CHD9: variants seen among roughly 807,000 people sequenced by gnomAD.
CHD9 encodes the protein ATP-dependent chromatin remodeler CHD9.
Under a neutral mutation model 316.1 loss-of-function variants are expected in CHD9, and 77 were observed. The ratio of observed to expected loss-of-function variants is 0.24; its 90% confidence interval spans 0.20 to 0.29. The LOEUF is 0.29. Among genes scored for constraint, CHD9 ranks in the 10% least tolerant of loss-of-function variants. The probability of loss-of-function intolerance (pLI) is 1.00; values close to 1 mark genes in which losing one functional copy is unlikely to be tolerated. For synonymous variants in CHD9, 1,129 were observed against 1,158.3 expected (o/e 0.97, Z 0.51); for missense variants, 2,763 against 3,438.1 (o/e 0.80, Z 4.91).
intron 1 of CHD9, among the ~76,000 whole-genome samples, chr16:53,125,299 C>G (rs2038925449): frequency 6.9e-6 from 1 of 145,482 alleles, no homozygotes; most frequent in African/African-American, 2.5e-5. Context: ...TCTCAGCTCA[C>G]TGCAACCTCC....
At chr16:53,185,093 A>T (rs572895936) in intron 2 of CHD9, among the ~76,000 whole-genome samples, 2 of 152,272 alleles carry the variant, frequency 1.3e-5, no homozygotes, top group South Asian at 2.1e-4. Context: ...TACCAAAGAG[A>T]GTGGGGCACT....
intron 2 of CHD9, among the ~76,000 whole-genome samples, chr16:53,171,849 C>G (rs1385376054): frequency 5.2e-5 from 4 of 77,142 alleles, no homozygotes; most frequent in African/African-American, 2.0e-4. Flanking sequence ...CACACACACA[C>G]ACACACACAC....
intron 3 of CHD9, among the ~76,000 whole-genome samples, chr16:53,212,927 A>C (rs980533466): frequency 7.9e-5 from 12 of 152,350 alleles, no homozygotes; most frequent in African/African-American, 2.6e-4. Flanking sequence ...AGTGTTCAGT[A>C]AATGTTAGTC....
chr16:53,060,572 A>G (rs1159618474), intron 1 of CHD9, among the ~76,000 whole-genome samples: 1 of 152,202 alleles, frequency 6.6e-6, no homozygotes, highest in Non-Finnish European at 1.5e-5. Context: ...AGCCTGGGCA[A>G]CATAGCAAGA....
rs755219123 is a variant in CHD9, at chr16:53,324,713, A to G, written c.8512A>G (p.Lys2838Glu). The change falls in exon 39 of 39, where the codon AAG (lysine) becomes GAG (glutamate). Residue 2838 changes from lysine to glutamate, a missense_variant. Coordinates refer to ENST00000447540, the MANE Select transcript of CHD9 (RefSeq NM_001308319.2). ...CAAAAACAGTGACTTAGGCTCGTCTAAGTCTGTAGAAGTAAAAGAAGAAGA... is the reference window on the plus strand; with the variant it reads ...CAAAAACAGTGACTTAGGCTCGTCTGAGTCTGTAGAAGTAAAAGAAGAAGA... The part of the protein sequence containing the change: ...QNKNSDLGSS[K>E]SVEVKEEDSR... 8 of 1,613,340 alleles carry G rather than the reference A, an allele frequency of 5.0e-6. No individual in the cohort carries two copies. In the South Asian group the frequency reaches 5.5e-5, roughly 11 times the overall value.
chr16:53,245,529 AATT>A lies in CHD9; in HGVS notation c.3198+54_3198+56del. ...CATTCATCGCATTTCTAATCATTGT[AATT>A]ATTTTGTATGTGTAATTAAATGCTC... On this transcript the variant is annotated intron_variant, in intron 14 of 38. Transcript: ENST00000447540. The surrounding 1 kb of genome is among the most constrained non-coding windows in gnomAD (Gnocchi z 4.1). 6.5e-7 allele frequency: 1 copy of A among 1,539,678 alleles called. No homozygotes were observed. Among genetic ancestry groups the A allele is most frequent in the Non-Finnish European group, 8.7e-7 (1 of 1,146,820 alleles).
At chr16:53,233,111 A>G (rs537300597) in intron 10 of CHD9, among the ~76,000 whole-genome samples, 48 of 152,262 alleles carry the variant, frequency 3.2e-4, no homozygotes, top group Non-Finnish European at 6.3e-4. Context: ...ATATAGCATC[A>G]GATCCCACAT....
In CHD9 at chr16:53,273,531, A is replaced by G. The variant is rs966369398; in HGVS notation, c.4718-95A>G. The stretch of plus-strand genomic sequence containing the variant: ...TTTTAAAGATCTCTGAACAGACCTC[A>G]GAAAGTCTCCAGAAATTTCTTGCAT... On this transcript the variant is annotated intron_variant, in intron 22 of 38. Transcript: ENST00000447540. The G allele has an allele frequency of 2.8e-4, 252 of 890,646 alleles. 4 individuals are homozygous for G. In the South Asian group the frequency reaches 4.5e-3, roughly 16 times the overall value. 55.2% of individuals were successfully genotyped at this position (890,646 alleles called of 1,614,324 possible).
intron 2 of CHD9, among the ~76,000 whole-genome samples, chr16:53,158,642 T>A (rs891439303): frequency 2.6e-5 from 4 of 152,294 alleles, no homozygotes; most frequent in Non-Finnish European, 4.4e-5. Context: ...TGTTTTTTTT[T>A]AATTTTTCTT....
At chr16:53,315,465 G>A (rs2056808245) in intron 36 of CHD9, among the ~76,000 whole-genome samples, 1 of 152,026 alleles carries the variant, frequency 6.6e-6, no homozygotes, top group South Asian at 2.1e-4. Context: ...ACTTTATTAC[G>A]TGGCATTGTT....
chr16:53,168,175 T>G (rs2042408665), intron 2 of CHD9, among the ~76,000 whole-genome samples: 1 of 151,912 alleles, frequency 6.6e-6, no homozygotes, highest in Non-Finnish European at 1.5e-5. Context: ...AATTCTCCTG[T>G]CTCAGCCTCC....
At chr16:53,090,839 A>G (rs1244305211) in intron 1 of CHD9, among the ~76,000 whole-genome samples, 1 of 151,952 alleles carries the variant, frequency 6.6e-6, no homozygotes, top group Non-Finnish European at 1.5e-5. Flanking sequence ...CCCAACCCCC[A>G]TGCCCTGTCC....
chr16:53,303,892 A>T lies in CHD9; in HGVS notation c.5886A>T (p.Glu1962Asp), dbSNP rs542469297. Residue 1962 changes from glutamate (E) to aspartate (D), a missense_variant, in exon 31 of 39, where the codon GAA (glutamate) becomes GAT (aspartate). Glu to Asp is a conservative substitution (Grantham distance 45, BLOSUM62 2). This residue lies in a region of CHD9 where 663 missense variants were observed against 751.2 expected (regional missense o/e 0.88). Coordinates refer to ENST00000447540, the MANE Select transcript of CHD9 (RefSeq NM_001308319.2). Reference sequence around the variant, plus strand: ...ATCCAGATTTACCAGTCTGGTGGGAATGTGGCCCTCATGATAGGGATTTGC... The same window carrying T: ...ATCCAGATTTACCAGTCTGGTGGGATTGTGGCCCTCATGATAGGGATTTGC... ...HPNPDLPVWW[E>D]CGPHDRDLLI... 4.3e-6 allele frequency: 7 copies of T among 1,614,018 alleles called. No homozygotes were observed. In the East Asian group the frequency reaches 1.3e-4, roughly 31 times the overall value.
chr16:53,113,225 T>C (rs556136009), intron 1 of CHD9, among the ~76,000 whole-genome samples: 1 of 152,170 alleles, frequency 6.6e-6, no homozygotes, highest in South Asian at 2.1e-4. Context: ...GCAGGCAGCA[T>C]AGATGTTATG....
At position 53,297,142 on chromosome 16, in the gene CHD9, T is replaced by A. The variant is rs1456916788; in HGVS notation, c.5697T>A (p.Arg1899=). 1 of 1,612,858 alleles carries A rather than the reference T, an allele frequency of 6.2e-7. No individual in the cohort carries two copies. The highest frequency in any genetic ancestry group is 8.5e-7 in the Non-Finnish European group (1 of 1,179,224). ...AFMSMCRRVC[R]LPSKEELVDP... ...TGTCCATGTGTCGGAGGGTTTGTCGTCTTCCTTCCAAAGAAGGTATGTATA... is the reference window on the plus strand; with the variant it reads ...TGTCCATGTGTCGGAGGGTTTGTCGACTTCCTTCCAAAGAAGGTATGTATA... Residue 1899 remains arginine, a synonymous_variant, in exon 30 of 39, where the codon CGT becomes CGA. Transcript: ENST00000447540.
chr16:53,238,657 T>C, intron 12 of CHD9, 71 bp downstream of exon 12: 3 of 1,456,868 alleles, frequency 2.1e-6, no homozygotes, highest in Non-Finnish European at 2.8e-6. Context: ...ACCTACCAAT[T>C]ATTTTCAAAT....
chr16:53,093,759 C>T (rs1437155782), intron 1 of CHD9, among the ~76,000 whole-genome samples: 7 of 152,142 alleles, frequency 4.6e-5, no homozygotes, highest in Non-Finnish European at 1.0e-4. Context: ...AGAAAGTGGC[C>T]AGGTACAACT....
chr16:53,299,660 C>T (rs957340500), intron 30 of CHD9: 4 of 354,786 alleles, frequency 1.1e-5, no homozygotes, highest in Middle Eastern at 6.9e-4. Context: ...CAAAGAAGAT[C>T]GAGGGCCTCC....
At chr16:53,201,854 T>TTG (rs1567468178) in intron 2 of CHD9, among the ~76,000 whole-genome samples, 1 of 151,664 alleles carries the variant, frequency 6.6e-6, no homozygotes, top group Non-Finnish European at 1.5e-5. Flanking sequence ...GGTTTTTTTT[T>TTG]TTGTTGTTGT....
Sources: allele counts gnomAD v4.1 joint callset (sites outside exome capture counted in the v4.1 genomes callset), GRCh38; gene constraint gnomAD v4.1.1; regional missense constraint gnomAD v4.1.1; non-coding constraint Gnocchi (gnomAD v3.1); transcripts MANE v1.5; gene names NCBI Gene and HGNC (gene_info 2026-07-23, HGNC 2026-07-21).